ACTR3C: variants seen among roughly 807,000 people sequenced by gnomAD.
ACTR3C encodes actin-related protein 3C.
ACTR3C carries 18 observed loss-of-function variants against 26.3 expected under a neutral mutation model. The observed-to-expected ratio is 0.68, with a 90% CI of 0.47 to 1.01. The LOEUF is 1.01. Ranked by LOEUF, ACTR3C falls within the 50% of genes least tolerant of loss-of-function variation. ACTR3C has a pLI of 0.00. For synonymous variants in ACTR3C, 55 were observed against 94.5 expected (o/e 0.58, Z 2.42); for missense variants, 184 against 250.7 (o/e 0.73, Z 1.80).
the ACTR3C span, among the ~76,000 whole-genome samples, chr7:149,962,909 T>C: frequency 2.0e-5 from 3 of 152,100 alleles, no homozygotes; most frequent in African/African-American, 7.2e-5. Flanking sequence ...CTGCACTGAG[T>C]GGCAGCCCTG....
chr7:150,228,240 T>C, the ACTR3C span, among the ~76,000 whole-genome samples: 5 of 152,242 alleles, frequency 3.3e-5, no homozygotes, highest in Non-Finnish European at 7.3e-5. Context: ...TATGTATGCC[T>C]AGTTATTTTA....
At chr7:150,169,153 G>A in the ACTR3C span, among the ~76,000 whole-genome samples, 2 of 150,128 alleles carry the variant, frequency 1.3e-5, no homozygotes, top group African/African-American at 5.1e-5. Context: ...AGGCCGAGGT[G>A]GGCACATCAG....
At chr7:149,984,416 C>G in the ACTR3C span, among the ~76,000 whole-genome samples, 9 of 151,944 alleles carry the variant, frequency 5.9e-5, no homozygotes, top group African/African-American at 2.2e-4. Context: ...GTTGGCCAGG[C>G]TGGTCTCGAA....
the ACTR3C span, among the ~76,000 whole-genome samples, chr7:150,035,734 T>G: frequency 1.2e-4 from 16 of 138,280 alleles, no homozygotes; most frequent in Admixed American, 6.9e-4. Context: ...GGTCTGGCTC[T>G]CAGTCCCCGC....
chr7:149,982,259 C>T, the ACTR3C span, among the ~76,000 whole-genome samples: 3 of 152,166 alleles, frequency 2.0e-5, no homozygotes, highest in South Asian at 6.2e-4. Flanking sequence ...CTCTCTCTGA[C>T]TCTCACTGGT....
the ACTR3C span, among the ~76,000 whole-genome samples, chr7:150,030,798 T>C: frequency 2.0e-5 from 3 of 151,594 alleles, no homozygotes; most frequent in African/African-American, 7.3e-5. Context: ...GCAATGGCAG[T>C]TTCCCATGTG....
chr7:150,270,696 G>A (rs1370882577), intron 6 of ACTR3C, among the ~76,000 whole-genome samples: 13 of 151,154 alleles, frequency 8.6e-5, no homozygotes, highest in South Asian at 2.1e-4. Context: ...CACAGAATTC[G>A]GACCCCACCT....
chr7:149,998,891 C>T, the ACTR3C span, among the ~76,000 whole-genome samples: 2 of 150,584 alleles, frequency 1.3e-5, no homozygotes, highest in African/African-American at 4.9e-5. Flanking sequence ...CTCCACCAAC[C>T]TCCCTCCCAC....
chr7:149,985,986 C>T, the ACTR3C span, among the ~76,000 whole-genome samples: 23 of 152,088 alleles, frequency 1.5e-4, no homozygotes, highest in Non-Finnish European at 2.4e-4. Context: ...CTTCAGCCCA[C>T]ATTAACCTCT....
the ACTR3C span, among the ~76,000 whole-genome samples, chr7:150,109,620 C>T: frequency 6.7e-6 from 1 of 148,476 alleles, no homozygotes; most frequent in South Asian, 2.1e-4. Flanking sequence ...CTTCCAAACA[C>T]CTTGCCCTTA....
the ACTR3C span, among the ~76,000 whole-genome samples, chr7:149,991,583 C>T: frequency 1.3e-5 from 2 of 152,212 alleles, no homozygotes; most frequent in Non-Finnish European, 2.9e-5. Context: ...TTGGCCATCC[C>T]TCTCCTCATT....
chr7:149,986,993 C>A, the ACTR3C span, among the ~76,000 whole-genome samples: 1 of 142,162 alleles, frequency 7.0e-6, no homozygotes, highest in Non-Finnish European at 1.5e-5. Context: ...TTGAAGCCCC[C>A]GCCCCACCCA....
the ACTR3C span, among the ~76,000 whole-genome samples, chr7:150,097,982 G>A: frequency 1.3e-5 from 2 of 151,448 alleles, no homozygotes; most frequent in Middle Eastern, 3.2e-3. Flanking sequence ...AGACGTCATG[G>A]ACTGACCTCA....
At chr7:149,979,436 C>T in the ACTR3C span, among the ~76,000 whole-genome samples, 1 of 152,178 alleles carries the variant, frequency 6.6e-6, no homozygotes. Flanking sequence ...CAGACAAAGA[C>T]ACCAAGGTAC....
the ACTR3C span, among the ~76,000 whole-genome samples, chr7:150,183,714 A>AAAAAAAC: frequency 6.7e-6 from 1 of 149,114 alleles, no homozygotes; most frequent in African/African-American, 2.6e-5. Context: ...AAAAAAAAAA[A>AAAAAAAC]AAAAAGCTTA....
the ACTR3C span, among the ~76,000 whole-genome samples, chr7:150,102,208 G>C: frequency 6.6e-6 from 1 of 151,478 alleles, no homozygotes; most frequent in African/African-American, 2.4e-5. Flanking sequence ...TGGTACCAGG[G>C]GATTAACTAC....
downstream of ACTR3C, among the ~76,000 whole-genome samples, chr7:150,239,893 A>G (rs1197718033): frequency 6.6e-6 from 1 of 151,978 alleles, no homozygotes; most frequent in Non-Finnish European, 1.5e-5. Flanking sequence ...CTGAGACCAC[A>G]GGCAGGCACC....
chr7:149,989,188 T>C, the ACTR3C span, among the ~76,000 whole-genome samples: 1 of 152,224 alleles, frequency 6.6e-6, no homozygotes, highest in Non-Finnish European at 1.5e-5. Flanking sequence ...AATAATTGCA[T>C]ATATTCATGG....
the ACTR3C span, among the ~76,000 whole-genome samples, chr7:150,185,274 G>GGGGT: frequency 3.0e-3 from 378 of 124,252 alleles, no homozygotes; most frequent in African/African-American, 0.01. Context: ...TTAAATGTCA[G>GGGGT]GCGTGTGTGT....
Sources: allele counts gnomAD v4.1 joint callset (sites outside exome capture counted in the v4.1 genomes callset), GRCh38; gene constraint gnomAD v4.1.1; transcripts MANE v1.5; gene names NCBI Gene and HGNC (gene_info 2026-07-23, HGNC 2026-07-21).